The following ZCWPW1 variants were observed in gnomAD, a reference collection of about 807,000 sequenced individuals.
The protein encoded by ZCWPW1 is zinc finger CW-type PWWP domain protein 1.
A neutral mutation model predicts 81.3 loss-of-function variants in ZCWPW1; 56 were observed. The ratio of observed to expected loss-of-function variants is 0.69; its 90% CI spans 0.56 to 0.86. The LOEUF (loss-of-function observed/expected upper bound fraction) is 0.86, where lower values mean the gene tolerates loss of function less well. ZCWPW1 is among the 40% of genes least tolerant of loss of function. The pLI is 0.00. For missense variants in ZCWPW1, 650 were observed against 769.8 expected (o/e 0.84, Z 1.84); for synonymous variants, 250 against 273.7 (o/e 0.91, Z 0.86).
intron 8 of ZCWPW1, among the ~76,000 whole-genome samples, chr7:100,410,069 A>G (rs552621182): frequency 6.6e-6 from 1 of 152,244 alleles, no homozygotes; most frequent in South Asian, 2.1e-4. Context: ...CTCTTCTCCA[A>G]AAGACACAGG....
intron 2 of ZCWPW1, among the ~76,000 whole-genome samples, chr7:100,423,943 G>T (rs566953527): frequency 1.3e-5 from 2 of 151,756 alleles, no homozygotes; most frequent in African/African-American, 4.8e-5. Context: ...GGTGGCGGGC[G>T]CCTGTAATCC....
In ZCWPW1 at chr7:100,406,682, A is replaced by C; in HGVS notation, c.1173+12T>G. On this transcript the variant is annotated intron_variant, in intron 12 of 17. Coordinates refer to ENST00000684423, the MANE Select transcript of ZCWPW1 (RefSeq NM_001386010.1). ...TTCTCTGTATCACAACAGAACCCCA[A>C]GATGTGCTCACCATGACTGATAGCT... The C allele has an allele frequency of 1.2e-6, 2 of 1,611,588 alleles. No homozygotes were observed. The highest frequency in any genetic ancestry group is 1.7e-6 in the Non-Finnish European group (2 of 1,177,718).
At chr7:100,409,118 T>C (rs962628125) in intron 9 of ZCWPW1, among the ~76,000 whole-genome samples, 5 of 152,130 alleles carry the variant, frequency 3.3e-5, no homozygotes, top group Admixed American at 1.3e-4. Flanking sequence ...TTCCCCGATA[T>C]ATCCTATATC....
At chr7:100,411,710 G>A (rs780669210) in intron 8 of ZCWPW1, among the ~76,000 whole-genome samples, 1 of 152,084 alleles carries the variant, frequency 6.6e-6, no homozygotes, top group Non-Finnish European at 1.5e-5. Flanking sequence ...GAGGCCAGGA[G>A]TCATATATAT....
chr7:100,426,672 C>CTCCCTCTTCCCTCCCTCTCTTCCTTCT (rs1797415278), intron 1 of ZCWPW1, among the ~76,000 whole-genome samples: 3 of 146,734 alleles, frequency 2.0e-5, no homozygotes, highest in Admixed American at 2.0e-4. Context: ...TTACTCCTTC[C>CTCCCTCTTCCCTCCCTCTCTTCCTTCT]TCCCTCTTCC....
Position 100,417,137 on chromosome 7 carries a change from G to A in ZCWPW1, c.408C>T (p.Pro136=), listed in dbSNP as rs368162640. 1.7e-5 allele frequency: 28 copies of A among 1,613,774 alleles called. No individual in the cohort carries two copies. The highest frequency in any genetic ancestry group is 3.3e-4 in the Middle Eastern group (2 of 6,084). The change falls in exon 6 of 18, where the codon CCC becomes CCT. Residue 136 remains proline (P), a synonymous_variant. Transcript: ENST00000684423. ...LDFAETSCAQ[P]VVSTQSDKEP... is the part of the protein sequence containing the mutation. ...CCTTGTCTGATTGGGTAGATACTAC[G>A]GGCTGGGCACAAGAAGTCTCTGCAA...
chr7:100,412,530 C>T (rs903597939), intron 8 of ZCWPW1, among the ~76,000 whole-genome samples: 20 of 152,152 alleles, frequency 1.3e-4, no homozygotes, highest in Admixed American at 5.2e-4. Context: ...TACCTTAAAA[C>T]CATCCACTTT....
chr7:100,406,843 T>C, intron 11 of ZCWPW1, 45 bp from the exon 12 acceptor site: 1 of 1,556,786 alleles, frequency 6.4e-7, no homozygotes, highest in Non-Finnish European at 8.9e-7. Context: ...TCCTGCTCCC[T>C]GCTTTTCTCC....
intron 8 of ZCWPW1, among the ~76,000 whole-genome samples, chr7:100,414,355 T>A (rs1055924283): frequency 6.6e-6 from 1 of 152,216 alleles, no homozygotes; most frequent in Non-Finnish European, 1.5e-5. Context: ...TGTCTTTTTG[T>A]ATTATGTTTT....
intron 16 of ZCWPW1, 93 bp downstream of exon 16, chr7:100,402,423 T>G: frequency 7.4e-7 from 1 of 1,359,776 alleles, no homozygotes. Flanking sequence ...GGCACTGAGA[T>G]GGGCAGTGAG....
At chr7:100,406,187 C>T (rs1008375670) in intron 12 of ZCWPW1, among the ~76,000 whole-genome samples, 2 of 152,150 alleles carry the variant, frequency 1.3e-5, no homozygotes, top group African/African-American at 2.4e-5. Context: ...GGTTCTCAAC[C>T]GGGTAGACTG....
intron 8 of ZCWPW1, among the ~76,000 whole-genome samples, chr7:100,415,642 C>T (rs188999566): frequency 7.2e-5 from 11 of 152,238 alleles, no homozygotes; most frequent in African/African-American, 2.6e-4. Context: ...ATCTATAATA[C>T]CACTCCTTAT....
chr7:100,408,025 A>G (rs958732495), intron 10 of ZCWPW1, among the ~76,000 whole-genome samples: 2 of 152,144 alleles, frequency 1.3e-5, no homozygotes, highest in African/African-American at 4.8e-5. Flanking sequence ...ATCTTGGTTC[A>G]CTGCAACCTC....
intron 1 of ZCWPW1, among the ~76,000 whole-genome samples, chr7:100,428,353 G>A (rs901384146): frequency 1.3e-5 from 2 of 152,214 alleles, no homozygotes; most frequent in Admixed American, 6.5e-5. Flanking sequence ...CTGCGTTTCC[G>A]CAGCTGAGGT....
chr7:100,406,844 G>A (rs773428981), intron 11 of ZCWPW1, 46 bp from the exon 12 acceptor site: 2 of 1,547,122 alleles, frequency 1.3e-6, no homozygotes, highest in East Asian at 4.5e-5. Context: ...CCTGCTCCCT[G>A]CTTTTCTCCT....
Position 100,406,690 on chromosome 7 carries a change from T to C in ZCWPW1, c.1173+4A>G. The C allele has an allele frequency of 6.2e-7, 1 of 1,613,306 alleles. No individual in the cohort carries two copies. The highest frequency in any genetic ancestry group is 8.5e-7 in the Non-Finnish European group (1 of 1,179,308). ...ATCACAACAGAACCCCAAGATGTGC[T>C]CACCATGACTGATAGCTCCAGGGAC... is the stretch of plus-strand genomic sequence containing the variant. On this transcript the variant is annotated splice_donor_region_variant and intron_variant, in intron 12 of 17. Transcript: ENST00000684423.
intron 1 of ZCWPW1, 95 bp downstream of exon 1, chr7:100,428,473 C>T (rs1371829258): frequency 6.6e-6 from 1 of 152,314 alleles, no homozygotes; most frequent in Non-Finnish European, 1.5e-5. Context: ...GTTCCTGAAG[C>T]ACATCTACTA....
At chr7:100,416,531 G>T in intron 6 of ZCWPW1, 75 bp from the exon 7 acceptor site, 1 of 1,499,228 alleles carries the variant, frequency 6.7e-7, no homozygotes, top group South Asian at 1.2e-5. Flanking sequence ...AAAAACCCGA[G>T]TAAAAGGAAG....
chr7:100,401,625 A>G (rs1005926510), intron 17 of ZCWPW1, among the ~76,000 whole-genome samples: 1 of 152,186 alleles, frequency 6.6e-6, no homozygotes, highest in African/African-American at 2.4e-5. Flanking sequence ...CAGGCATGGA[A>G]GTATCTCTTT....
Sources: allele counts gnomAD v4.1 joint callset (sites outside exome capture counted in the v4.1 genomes callset), GRCh38; gene constraint gnomAD v4.1.1; transcripts MANE v1.5; gene names NCBI Gene and HGNC (gene_info 2026-07-23, HGNC 2026-07-21).